Variants in VAX1 observed in about 807,000 individuals in gnomAD.
VAX1 encodes the protein ventral anterior homeobox 1.
In VAX1, 6 loss-of-function variants were observed where a neutral mutation model predicts 17.6. That is an observed-to-expected ratio of 0.34 (90% CI 0.19 to 0.67). The LOEUF is 0.67. Among genes scored for constraint, VAX1 ranks in the 30% least tolerant of loss-of-function variants. VAX1 has a pLI of 0.69. For synonymous variants in VAX1, 256 were observed against 227.4 expected (o/e 1.13, Z -1.13); for missense variants, 408 against 463.7 (o/e 0.88, Z 1.10).
In VAX1 at chr10:117,137,659, G is replaced by C. The variant is rs772129908; in HGVS notation, c.241+157C>G. Among the ~76,000 whole-genome samples, 19 of 152,162 alleles carry C rather than the reference G, an allele frequency of 1.2e-4. No homozygotes were observed. The South Asian group carries it at 1.4e-3, about 12-fold the overall frequency. On this transcript the variant is annotated intron_variant, in intron 1 of 2. Transcript: ENST00000369206. This position sits in a 1 kb window ranked among gnomAD's most constrained non-coding sequence, Gnocchi z 7.4. Reference sequence around the variant, plus strand: ...GAGAGCGCACCGGAGAGTCCCAGGCGCTTGTCCCCAGCCGGACTCGGGGCG... The same window carrying C: ...GAGAGCGCACCGGAGAGTCCCAGGCCCTTGTCCCCAGCCGGACTCGGGGCG...
In VAX1 at chr10:117,134,013, C is replaced by T; in HGVS notation, c.1000G>A (p.Asp334Asn). 1 of 1,520,898 alleles carries T rather than the reference C, an allele frequency of 6.6e-7. No individual in the cohort carries two copies. The highest frequency in any genetic ancestry group is 8.8e-7 in the Non-Finnish European group (1 of 1,133,974). 94.2% of individuals were successfully genotyped at this position (1,520,898 alleles called of 1,614,324 possible). A position where few individuals can be genotyped will look rare whatever the true frequency, so the allele number is the denominator to read the frequency against. The change falls in exon 3 of 3, where the codon GAC becomes AAC. Residue 334 changes from aspartate to asparagine, a missense_variant. Asp to Asn is a conservative substitution (Grantham distance 23, BLOSUM62 1). Around this residue, in one of 4 missense-constraint regions of VAX1, gnomAD observed 196 missense variants for 218.7 expected, o/e 0.90. Coordinates refer to ENST00000369206, the MANE Select transcript of VAX1 (RefSeq NM_001112704.2). This position sits in a 1 kb window ranked among gnomAD's most constrained non-coding sequence, Gnocchi z 6.2. Reference protein sequence around the residue: ...NKEGAEKKALD With the variant: ...NKEGAEKKALN The stretch of plus-strand genomic sequence containing the variant: ...ATACAGGGAAACACTTAAAATCAGT[C>T]CAGCGCTTTTTTCTCGGCCCCTTCT...
downstream of VAX1, among the ~76,000 whole-genome samples, chr10:117,133,049 C>T (rs766553286): frequency 2.0e-4 from 30 of 152,208 alleles, no homozygotes; most frequent in Non-Finnish European, 3.7e-4. Context: ...TTTGCTCTTT[C>T]CTGGAGGAGT....
chr10:117,134,547 T>G lies in VAX1; in HGVS notation c.466A>C (p.Lys156Gln). 2 of 1,528,040 alleles carry G rather than the reference T, an allele frequency of 1.3e-6. No individual in the cohort carries two copies. The highest frequency in any genetic ancestry group is 1.8e-6 in the Non-Finnish European group (2 of 1,138,988). 94.7% of individuals were successfully genotyped at this position (1,528,040 alleles called of 1,614,324 possible). A position where few individuals can be genotyped will look rare whatever the true frequency, so the allele number is the denominator to read the frequency against. ...TCCGAGTCCTTGCCCTGGTCCTTCT[T>G]CTGCTTGGTGCGCCGGTTCTGGAAC... is the stretch of plus-strand genomic sequence containing the variant. ...VWFQNRRTKQ[K>Q]KDQGKDSELR... Residue 156 changes from lysine to glutamine, a missense_variant, in exon 3 of 3, where the codon AAG (lysine) becomes CAG (glutamine). This residue lies in a region of VAX1 where 75 missense variants were observed against 116.1 expected (regional missense o/e 0.65). Coordinates refer to ENST00000369206, the MANE Select transcript of VAX1 (RefSeq NM_001112704.2). This position sits in a 1 kb window ranked among gnomAD's most constrained non-coding sequence, Gnocchi z 6.2.
chr10:117,136,536 C>T lies in VAX1; in HGVS notation c.365G>A (p.Cys122Tyr). The T allele has an allele frequency of 1.2e-6, 2 of 1,613,414 alleles. No homozygotes were observed. The highest frequency in any genetic ancestry group is 1.7e-6 in the Non-Finnish European group (2 of 1,179,936). The change falls in exon 2 of 3, where the codon TGC (cysteine) becomes TAC (tyrosine). Residue 122 changes from cysteine (C) to tyrosine (Y), a missense_variant. Around this residue, in one of 4 missense-constraint regions of VAX1, gnomAD observed 75 missense variants for 116.1 expected, o/e 0.65. Coordinates refer to ENST00000369206, the MANE Select transcript of VAX1 (RefSeq NM_001112704.2). This position sits in a 1 kb window ranked among gnomAD's most constrained non-coding sequence, Gnocchi z 5.0. ...LYRLEMEFQR[C>Y]QYVVGRERTE... ...CCTCTCGCGGCCCACCACGTACTGG[C>T]AGCGCTGGAACTCCATCTCCAGCCG...
rs1445331705 is a variant in VAX1, at chr10:117,134,210, G to A, written c.803C>T (p.Ala268Val). The stretch of plus-strand genomic sequence containing the variant: ...CGGCAGGCTGAAGAGGCTGTGGCCC[G>A]CGGCCGGGGCGCCTGCGTGCAATCC... Reference protein sequence around the residue: ...PGGLHAGAPAAGHSLFSLPVP... With the variant: ...PGGLHAGAPAVGHSLFSLPVP... Residue 268 changes from alanine to valine, a missense_variant, in exon 3 of 3, where the codon GCG (alanine) becomes GTG (valine). By Grantham distance (64) the Ala-to-Val change is moderately conservative (BLOSUM62 0). Around this residue, in one of 4 missense-constraint regions of VAX1, gnomAD observed 196 missense variants for 218.7 expected, o/e 0.90. Transcript: ENST00000369206. The surrounding 1 kb of genome is among the most constrained non-coding windows in gnomAD (Gnocchi z 6.2). The A allele has an allele frequency of 2.7e-6, 4 of 1,467,088 alleles. No homozygotes were observed. The highest frequency in any genetic ancestry group is 3.0e-5 in the African/African-American group (2 of 66,874). The allele number at this position is 1,467,088 out of a possible 1,614,324, so 90.9% of individuals were successfully genotyped here. A position where few individuals can be genotyped will look rare whatever the true frequency, so the allele number is the denominator to read the frequency against.
rs373982518 is a variant in VAX1 at position 117,133,826 on chromosome 10, GA to G, written c.*181del. The stretch of plus-strand genomic sequence containing the variant: ...GAGGAATCTCAGAGGAAAGGTAGTA[GA>G]AAAAAAAAATAGCCCGAATGAGATG... On this transcript the variant is annotated 3_prime_UTR_variant, in exon 3 of 3. Coordinates refer to ENST00000369206, the MANE Select transcript of VAX1 (RefSeq NM_001112704.2). 867 of 1,253,290 alleles carry G rather than the reference GA, an allele frequency of 6.9e-4. No homozygotes were observed. The highest frequency in any genetic ancestry group is 4.0e-3 in the South Asian group (178 of 44,300). 77.6% of individuals were successfully genotyped at this position (1,253,290 alleles called of 1,614,324 possible). A position where few individuals can be genotyped will look rare whatever the true frequency, so the allele number is the denominator to read the frequency against.
At chr10:117,130,489 ATCAGATTCCTT>A (rs1459975149), downstream of VAX1, 1 of 143,946 alleles carries the variant, frequency 6.9e-6, no homozygotes, top group African/African-American at 2.7e-5. Flanking sequence ...AGGCCTGAGC[ATCAGATTCCTT>A]TCAGCTCCCC....
chr10:117,132,198 AG>A (rs539640034), downstream of VAX1: 552 of 1,604,902 alleles, frequency 3.4e-4, 3 homozygotes, highest in African/African-American at 6.1e-3. This position sits in a 1 kb window ranked among gnomAD's most constrained non-coding sequence, Gnocchi z 4.9. Flanking sequence ...TACCAGTCGC[AG>A]GGCCCCGCAC....
chr10:117,133,860 TAGC>T lies in VAX1; in HGVS notation c.*145_*147del. On this transcript the variant is annotated 3_prime_UTR_variant, in exon 3 of 3. Transcript: ENST00000369206. ...AATAGCCCGAATGAGATGAAATTGGTAGCAGAGTCTAGTGGGAAAGGAGAGCTG... is the reference window on the plus strand; with the variant it reads ...AATAGCCCGAATGAGATGAAATTGGTAGAGTCTAGTGGGAAAGGAGAGCTG... 1 of 1,349,606 alleles carries T rather than the reference TAGC, an allele frequency of 7.4e-7. No homozygotes were observed. The highest frequency in any genetic ancestry group is 9.5e-7 in the Non-Finnish European group (1 of 1,057,524). The allele number at this position is 1,349,606 out of a possible 1,614,324, so 83.6% of individuals were successfully genotyped here. A position where few individuals can be genotyped will look rare whatever the true frequency, so the allele number is the denominator to read the frequency against.
downstream of VAX1, chr10:117,129,904 C>T (rs894565911): frequency 1.3e-5 from 2 of 151,610 alleles, no homozygotes; most frequent in Non-Finnish European, 2.9e-5. Context: ...GATGAGGGCA[C>T]CAAGTAAATC....
At chr10:117,132,363 C>T (rs1854099197), downstream of VAX1, 1 of 1,610,640 alleles carries the variant, frequency 6.2e-7, no homozygotes, top group Non-Finnish European at 8.5e-7. This position sits in a 1 kb window ranked among gnomAD's most constrained non-coding sequence, Gnocchi z 4.9. Flanking sequence ...ATTTCACTCT[C>T]ACCACATAAA....
At position 117,137,938 on chromosome 10, in the gene VAX1, G is replaced by C. The variant is rs141168124; in HGVS notation, c.119C>G (p.Pro40Arg). 5.0e-5 allele frequency: 80 copies of C among 1,613,760 alleles called. No homozygotes were observed. In the African/African-American group the frequency reaches 9.3e-4, roughly 19 times the overall value. The change falls in exon 1 of 3, where the codon CCA (proline) becomes CGA (arginine). Residue 40 changes from proline to arginine, a missense_variant. Around this residue, in one of 4 missense-constraint regions of VAX1, gnomAD observed 133 missense variants for 112.0 expected, o/e 1.19. Coordinates refer to ENST00000369206, the MANE Select transcript of VAX1 (RefSeq NM_001112704.2). This position sits in a 1 kb window ranked among gnomAD's most constrained non-coding sequence, Gnocchi z 7.4. ...RESKGAEGNLPAAFLKEPQGA... is the reference protein window; with the variant it reads ...RESKGAEGNLRAAFLKEPQGA... ...CTGCGGCTCCTTGAGGAAGGCGGCT[G>C]GGAGGTTCCCCTCCGCGCCCTTGCT...
downstream of VAX1, chr10:117,132,014 A>C (rs576007602): frequency 6.3e-5 from 36 of 571,302 alleles, no homozygotes; most frequent in South Asian, 8.6e-4. This position sits in a 1 kb window ranked among gnomAD's most constrained non-coding sequence, Gnocchi z 4.9. Flanking sequence ...TAAATAAACT[A>C]AGAATTACGC....
At position 117,136,518 on chromosome 10, in the gene VAX1, C is replaced by A; in HGVS notation, c.383G>T (p.Arg128Leu). ...CTGCCGGGCGAGCTCGGTCCTCTCG[C>A]GGCCCACCACGTACTGGCAGCGCTG... ...EFQRCQYVVG[R>L]ERTELARQLN... Residue 128 changes from arginine (R) to leucine (L), a missense_variant, in exon 2 of 3, where the codon CGC (arginine) becomes CTC (leucine). Coordinates refer to ENST00000369206, the MANE Select transcript of VAX1 (RefSeq NM_001112704.2). The surrounding 1 kb of genome is among the most constrained non-coding windows in gnomAD (Gnocchi z 5.0). 1.9e-6 allele frequency: 3 copies of A among 1,613,864 alleles called. No homozygotes were observed. The highest frequency in any genetic ancestry group is 2.5e-6 in the Non-Finnish European group (3 of 1,180,020).
downstream of VAX1, chr10:117,132,423 GATTCA>G: frequency 1.2e-6 from 2 of 1,612,026 alleles, no homozygotes; most frequent in Non-Finnish European, 1.7e-6. The surrounding 1 kb of genome is among the most constrained non-coding windows in gnomAD (Gnocchi z 4.9). Flanking sequence ...TAGTAGCCTG[GATTCA>G]GTGACACCTA....
rs1854117305 is a variant in VAX1, at chr10:117,133,466, T to C, written c.*542A>G. On this transcript the variant is annotated 3_prime_UTR_variant, in exon 3 of 3. Coordinates refer to ENST00000369206, the MANE Select transcript of VAX1 (RefSeq NM_001112704.2). ...AGGAAGCTGTGTTGTGTACCGACTA[T>C]CCCGAGAGGTCCGCAAAGCGGGGCC... is the stretch of plus-strand genomic sequence containing the variant. The C allele has an allele frequency of 4.1e-6, 4 of 985,548 alleles. No homozygotes were observed. Among genetic ancestry groups the C allele is most frequent in the Non-Finnish European group, 4.8e-6 (4 of 830,048 alleles). The allele number at this position is 985,548 out of a possible 1,614,324, so 61.1% of individuals were successfully genotyped here. A position where few individuals can be genotyped will look rare whatever the true frequency, so the allele number is the denominator to read the frequency against.
chr10:117,134,317 GGCGGCGGCGGCT>G lies in VAX1; in HGVS notation c.684_695del (p.Ala230_Ala233del). On this transcript the variant is annotated inframe_deletion, in exon 3 of 3. Coordinates refer to ENST00000369206, the MANE Select transcript of VAX1 (RefSeq NM_001112704.2). The surrounding 1 kb of genome is among the most constrained non-coding windows in gnomAD (Gnocchi z 6.2). ...ATGCAGCGCCCGCTGGGCCCGGGGCGGCGGCGGCGGCTGCGGCGGCCGAGCCTGCAGCGGCGC... is the reference window on the plus strand; with the variant it reads ...ATGCAGCGCCCGCTGGGCCCGGGGCGGCGGCGGCCGAGCCTGCAGCGGCGC... 9.5e-7 allele frequency: 1 copy of G among 1,053,992 alleles called. No homozygotes were observed. The highest frequency in any genetic ancestry group is 4.4e-5 in the South Asian group (1 of 22,758). The allele number at this position is 1,053,992 out of a possible 1,614,324, so 65.3% of individuals were successfully genotyped here. A position where few individuals can be genotyped will look rare whatever the true frequency, so the allele number is the denominator to read the frequency against.
Position 117,134,480 on chromosome 10 carries a change from ACGCTGCACGTGG to A in VAX1, c.521_532del (p.Ala174_Ser177del). The A allele has an allele frequency of 6.6e-7, 1 of 1,525,574 alleles. No homozygotes were observed. The highest frequency in any genetic ancestry group is 2.6e-5 in the East Asian group (1 of 39,046). The allele number at this position is 1,525,574 out of a possible 1,614,324, so 94.5% of individuals were successfully genotyped here. A position where few individuals can be genotyped will look rare whatever the true frequency, so the allele number is the denominator to read the frequency against. On this transcript the variant is annotated inframe_deletion, in exon 3 of 3. Transcript: ENST00000369206. This position sits in a 1 kb window ranked among gnomAD's most constrained non-coding sequence, Gnocchi z 6.2. The stretch of plus-strand genomic sequence containing the variant: ...GCGGCCCTGCTCCAGCAGCCGTAGC[ACGCTGCACGTGG>A]CCGCGGTCTCCGACACCACCGAGCG...
downstream of VAX1, chr10:117,129,909 T>G (rs1854063666): frequency 6.6e-6 from 1 of 151,768 alleles, no homozygotes; most frequent in African/African-American, 2.4e-5. Context: ...GGGCACCAAG[T>G]AAATCCTCAG....
Sources: allele counts gnomAD v4.1 joint callset (sites outside exome capture counted in the v4.1 genomes callset), GRCh38; gene constraint gnomAD v4.1.1; regional missense constraint gnomAD v4.1.1; non-coding constraint Gnocchi (gnomAD v3.1); transcripts MANE v1.5; gene names NCBI Gene and HGNC (gene_info 2026-07-23, HGNC 2026-07-21).